Variants in PLD5 observed in about 807,000 individuals in gnomAD.
PLD5 encodes the protein phospholipase D family member 5.
Under a neutral mutation model 61.1 loss-of-function variants are expected in PLD5, and 36 were observed. The observed-to-expected ratio is 0.59, with a 90% CI of 0.45 to 0.78. The LOEUF (loss-of-function observed/expected upper bound fraction) is 0.78. PLD5 is among the 30% of genes least tolerant of loss of function. The pLI is 0.00. For missense variants in PLD5, 515 were observed against 644.4 expected (o/e 0.80, Z 2.17); for synonymous variants, 243 against 242.8 (o/e 1.00, Z -0.01).
intron 1 of PLD5, among the ~76,000 whole-genome samples, chr1:242,506,155 C>T (rs57272168): frequency 0.017 from 2,545 of 152,214 alleles, 77 homozygotes; most frequent in African/African-American, 0.058. Context: ...AGAGGTTCAA[C>T]GCTTCCTTTG....
At chr1:242,259,112 A>G (rs1176162406) in intron 4 of PLD5, among the ~76,000 whole-genome samples, 1 of 152,192 alleles carries the variant, frequency 6.6e-6, no homozygotes, top group Non-Finnish European at 1.5e-5. Flanking sequence ...CAGGGTAAAG[A>G]GATGAAGGTG....
chr1:242,177,427 C>A (rs1463040485), intron 5 of PLD5, among the ~76,000 whole-genome samples: 1 of 151,964 alleles, frequency 6.6e-6, no homozygotes, highest in African/African-American at 2.4e-5. Flanking sequence ...TGGTAGGGGG[C>A]TATGGGAGGG....
At chr1:242,221,025 G>A (rs1485173479) in intron 4 of PLD5, among the ~76,000 whole-genome samples, 1 of 152,148 alleles carries the variant, frequency 6.6e-6, no homozygotes, top group Non-Finnish European at 1.5e-5. Context: ...GTATCTGACA[G>A]TTCTTAATTT....
Position 242,219,939 on chromosome 1 carries a change from C to G in PLD5, c.735+49G>C. 4 of 1,579,996 alleles carry G rather than the reference C, an allele frequency of 2.5e-6. No homozygotes were observed. The South Asian group carries it at 4.6e-5, about 18-fold the overall frequency. Reference sequence around the variant, plus strand: ...CAGTAGCGTGCTTTATGAAGGTGGTCGCTTTGAGGGTGACAGAACATTGAG... The same window carrying G: ...CAGTAGCGTGCTTTATGAAGGTGGTGGCTTTGAGGGTGACAGAACATTGAG... On this transcript the variant is annotated intron_variant, in intron 5 of 9. Transcript: ENST00000536534.
intron 4 of PLD5, among the ~76,000 whole-genome samples, chr1:242,234,392 C>G (rs1671504741): frequency 1.3e-5 from 2 of 152,118 alleles, no homozygotes; most frequent in Non-Finnish European, 2.9e-5. Flanking sequence ...CTTGCCAAAC[C>G]CCTGCTGCAG....
At chr1:242,506,347 ACTAAGGCAT>A (rs912371058) in intron 1 of PLD5, among the ~76,000 whole-genome samples, 1 of 152,180 alleles carries the variant, frequency 6.6e-6, no homozygotes, top group Non-Finnish European at 1.5e-5. Flanking sequence ...CTCTCACTTT[ACTAAGGCAT>A]CCACGTTTGC....
upstream of PLD5, among the ~76,000 whole-genome samples, chr1:242,529,386 C>G (rs1261653927): frequency 6.6e-6 from 1 of 152,176 alleles, no homozygotes; most frequent in Non-Finnish European, 1.5e-5. Context: ...CTACTCCAGT[C>G]ACTGTGTGGG....
chr1:242,236,860 G>A (rs1671669186), intron 4 of PLD5, among the ~76,000 whole-genome samples: 1 of 152,176 alleles, frequency 6.6e-6, no homozygotes, highest in African/African-American at 2.4e-5. Context: ...CCTCTCCTTA[G>A]AAAAATGTAA....
At chr1:242,181,019 CA>C (rs552857399) in intron 5 of PLD5, among the ~76,000 whole-genome samples, 67 of 151,942 alleles carry the variant, frequency 4.4e-4, no homozygotes, top group African/African-American at 1.6e-3. Flanking sequence ...CAAAAAAACA[CA>C]AAAAACCCCA....
chr1:242,221,378 G>A (rs1460062628), intron 4 of PLD5, among the ~76,000 whole-genome samples: 4 of 152,084 alleles, frequency 2.6e-5, no homozygotes, highest in African/African-American at 4.8e-5. Context: ...TGTATTCCAG[G>A]GGCACACTTC....
chr1:242,245,537 A>G (rs1477373158), intron 4 of PLD5, among the ~76,000 whole-genome samples: 1 of 152,214 alleles, frequency 6.6e-6, no homozygotes, highest in African/African-American at 2.4e-5. Flanking sequence ...AGGAGGAAGC[A>G]CAGACCCATT....
rs1224513197 is a variant in PLD5 at position 242,256,746 on chromosome 1, TCATCTATCTATC to T, written c.607+8579_607+8590del. Among the ~76,000 whole-genome samples the T allele has an allele frequency of 7.5e-6, 1 of 133,726 alleles. No individual in the cohort carries two copies. The highest frequency in any genetic ancestry group is 1.6e-5 in the Non-Finnish European group (1 of 63,776). The allele number at this position is 133,726 out of a possible 152,430, so 87.7% of individuals were successfully genotyped here. Reference sequence around the variant, plus strand: ...CAGCAGCACAAATGAACTAAGACTATCATCTATCTATCTATCTATCTATCTATCTATCTATCT... The same window carrying T: ...CAGCAGCACAAATGAACTAAGACTATTATCTATCTATCTATCTATCTATCT... On this transcript the variant is annotated intron_variant, in intron 4 of 9. Transcript: ENST00000536534. This position sits in a 1 kb window ranked among gnomAD's most constrained non-coding sequence, Gnocchi z 5.7.
chr1:242,395,749 G>A (rs1458371177), intron 1 of PLD5, among the ~76,000 whole-genome samples: 1 of 152,174 alleles, frequency 6.6e-6, no homozygotes, highest in Non-Finnish European at 1.5e-5. Flanking sequence ...GGGACTGACT[G>A]AGTGAAGAAG....
intron 3 of PLD5, among the ~76,000 whole-genome samples, chr1:242,284,461 A>C (rs534973013): frequency 6.6e-6 from 1 of 152,218 alleles, no homozygotes; most frequent in Admixed American, 6.5e-5. Context: ...TGCCCAAGAA[A>C]TGCGGTCTTC....
intron 5 of PLD5, among the ~76,000 whole-genome samples, chr1:242,186,649 A>C (rs564491120): frequency 6.6e-6 from 1 of 152,180 alleles, no homozygotes; most frequent in Non-Finnish European, 1.5e-5. Flanking sequence ...GAAAAAAAAC[A>C]ACTAGTGATT....
intron 5 of PLD5, chr1:242,209,254 T>G (rs1175466283): frequency 6.6e-6 from 1 of 152,178 alleles, no homozygotes; most frequent in Non-Finnish European, 1.5e-5. Context: ...CAGACCCCTG[T>G]GTGGAAAGCC....
chr1:242,238,984 G>A (rs1190541221), intron 4 of PLD5, among the ~76,000 whole-genome samples: 2 of 152,060 alleles, frequency 1.3e-5, no homozygotes, highest in Non-Finnish European at 2.9e-5. Flanking sequence ...AGCTGCCTCA[G>A]GCCAGAGATC....
intron 1 of PLD5, among the ~76,000 whole-genome samples, chr1:242,381,114 CA>C (rs1431829245): frequency 6.6e-6 from 1 of 152,134 alleles, no homozygotes; most frequent in Non-Finnish European, 1.5e-5. Context: ...TTCACTGCAG[CA>C]CTATTCACAA....
chr1:242,370,494 G>A (rs1283439687), intron 1 of PLD5, among the ~76,000 whole-genome samples: 1 of 152,084 alleles, frequency 6.6e-6, no homozygotes, highest in African/African-American at 2.4e-5. Flanking sequence ...ACAGAGGGCT[G>A]AGCCAGGGGC....
Sources: allele counts gnomAD v4.1 joint callset (sites outside exome capture counted in the v4.1 genomes callset), GRCh38; gene constraint gnomAD v4.1.1; non-coding constraint Gnocchi (gnomAD v3.1); transcripts MANE v1.5; gene names NCBI Gene and HGNC (gene_info 2026-07-23, HGNC 2026-07-21).